The following HMGN5 variants were observed in gnomAD, a reference collection of about 807,000 sequenced individuals.
HMGN5 encodes high mobility group nucleosome binding domain 5, also known as high mobility group nucleosome-binding domain-containing protein 5.
A neutral mutation model predicts 9.5 loss-of-function variants in HMGN5; 4 were observed. The observed-to-expected ratio is 0.42, with a 90% CI of 0.21 to 0.96. The LOEUF (loss-of-function observed/expected upper bound fraction) is 0.96. Among genes scored for constraint, HMGN5 ranks in the 40% least tolerant of loss-of-function variants. The probability of loss-of-function intolerance (pLI) is 0.30; values close to 1 mark genes in which losing one functional copy is unlikely to be tolerated. For missense variants in HMGN5, 192 were observed against 187.5 expected (o/e 1.02, Z -0.14); for synonymous variants, 55 against 57.1 (o/e 0.96, Z 0.16).
chrX:81,115,355 T>C (rs1301584121), intron 6 of HMGN5, 125 bp from the exon 7 acceptor site: 4 of 805,562 alleles, frequency 5.0e-6, no homozygotes, highest in Non-Finnish European at 6.4e-6. Context: ...AGAAAGTAAT[T>C]TTCCTGTGAA....
At chrX:81,184,017 C>T (rs1468654331) in intron 1 of HMGN5, among the ~76,000 whole-genome samples, 1 of 111,288 alleles carries the variant, frequency 9.0e-6, no homozygotes, top group Non-Finnish European at 1.9e-5. Flanking sequence ...ACTGTGAGGG[C>T]CTGTTGGGAA....
intron 1 of HMGN5, among the ~76,000 whole-genome samples, chrX:81,135,525 A>G (rs2075308794): frequency 1.8e-5 from 2 of 111,741 alleles, no homozygotes; most frequent in Admixed American, 1.9e-4. Context: ...AAGGAATAAG[A>G]TAGTGATACA....
intron 1 of HMGN5, among the ~76,000 whole-genome samples, chrX:81,142,615 C>A (rs2075332864): frequency 9.0e-6 from 1 of 111,698 alleles, no homozygotes; most frequent in Non-Finnish European, 1.9e-5. Context: ...CCTAGAATAG[C>A]CTATCCAGTA....
At chrX:81,164,272 T>C (rs1281142264) in intron 1 of HMGN5, among the ~76,000 whole-genome samples, 3 of 111,444 alleles carry the variant, frequency 2.7e-5, no homozygotes, top group Non-Finnish European at 5.7e-5. Context: ...TTGATGGGAG[T>C]AAAACTGAAT....
chrX:81,140,832 G>A (rs2075327155), intron 1 of HMGN5, among the ~76,000 whole-genome samples: 1 of 111,139 alleles, frequency 9.0e-6, no homozygotes, highest in Admixed American at 9.5e-5. Flanking sequence ...CATGGCCACG[G>A]GGGGATAGTG....
In HMGN5 at chrX:81,116,250, T is replaced by C. The variant is rs774785544; in HGVS notation, c.221A>G (p.Glu74Gly). The C allele has an allele frequency of 8.3e-7, 1 of 1,198,724 alleles. No homozygotes were observed. The highest frequency in any genetic ancestry group is 3.0e-5 in the East Asian group (1 of 33,719). Reference sequence around the variant, plus strand: ...ATTTTTAGCATTTTCATTGTAGTCTTCTTCAACAACTGCTTCTTGCTTGGT... The same window carrying C: ...ATTTTTAGCATTTTCATTGTAGTCTCCTTCAACAACTGCTTCTTGCTTGGT... Reference protein sequence around the residue: ...AETKQEAVVEEDYNENAKNGE... With the variant: ...AETKQEAVVEGDYNENAKNGE... Residue 74 changes from glutamate to glycine, a missense_variant, in exon 6 of 7, where the codon GAA becomes GGA. Physicochemically the swap from Glu to Gly is moderately conservative, Grantham distance 98. Transcript: ENST00000358130.
chrX:81,188,904 T>C (rs889913810), intron 1 of HMGN5, among the ~76,000 whole-genome samples: 8 of 111,505 alleles, frequency 7.2e-5, no homozygotes, highest in Non-Finnish European at 1.5e-4. Context: ...AAGAGTAGTT[T>C]ACACACCACA....
At chrX:81,122,151 A>C (rs909342889) in intron 1 of HMGN5, among the ~76,000 whole-genome samples, 1 of 111,679 alleles carries the variant, frequency 9.0e-6, no homozygotes, top group Non-Finnish European at 1.9e-5. Flanking sequence ...CAGAAAGCGC[A>C]AAAGAGTGGA....
At chrX:81,199,087 GACAA>G (rs1444225493) in intron 1 of HMGN5, among the ~76,000 whole-genome samples, 6 of 111,451 alleles carry the variant, frequency 5.4e-5, no homozygotes, top group African/African-American at 1.6e-4. Context: ...ACCAATAACA[GACAA>G]ACAGAGAGCC....
Position 81,180,155 on chromosome X carries a change from T to G in HMGN5, c.-124+21582A>C, listed in dbSNP as rs182754591. 2.3e-3 allele frequency among the ~76,000 whole-genome samples: 262 copies of G among 111,931 alleles called. 2 individuals carry two copies. In the Middle Eastern group the frequency reaches 0.028, roughly 12 times the overall value. ...GACACAGGCATGGGCAAGGGCTTCA[T>G]GTCTAAAACACCAAAAGCAATGGCA... On this transcript the variant is annotated intron_variant, in intron 1 of 6. Coordinates refer to ENST00000358130, the MANE Select transcript of HMGN5 (RefSeq NM_030763.3).
chrX:81,179,606 T>A (rs983117871), intron 1 of HMGN5, among the ~76,000 whole-genome samples: 75 of 111,335 alleles, frequency 6.7e-4, no homozygotes, highest in Admixed American at 1.4e-3. Flanking sequence ...GGAATTAATA[T>A]CGTGAAAGTG....
chrX:81,153,853 C>T (rs73231017), intron 1 of HMGN5, among the ~76,000 whole-genome samples: 9 of 103,807 alleles, frequency 8.7e-5, no homozygotes, highest in Non-Finnish European at 1.4e-4. Flanking sequence ...GTAATGAAAA[C>T]TATAAAACAA....
At chrX:81,117,700 A>G (rs1470046952) in intron 5 of HMGN5, among the ~76,000 whole-genome samples, 1 of 111,503 alleles carries the variant, frequency 9.0e-6, no homozygotes, top group African/African-American at 3.3e-5. Context: ...AATTATTACT[A>G]AAACTTCAAT....
chrX:81,181,914 C>T (rs2075463936), intron 1 of HMGN5, among the ~76,000 whole-genome samples: 1 of 112,091 alleles, frequency 8.9e-6, no homozygotes, highest in African/African-American at 3.2e-5. Flanking sequence ...CATGAGAGTA[C>T]AGATATCTCT....
intron 1 of HMGN5, among the ~76,000 whole-genome samples, chrX:81,200,133 T>TC (rs1316401548): frequency 8.9e-6 from 1 of 112,810 alleles, no homozygotes; most frequent in Non-Finnish European, 1.9e-5. Flanking sequence ...ATGCTCATCA[T>TC]CACTGGTCAT....
chrX:81,144,638 G>A (rs973940872), intron 1 of HMGN5, among the ~76,000 whole-genome samples: 3 of 111,681 alleles, frequency 2.7e-5, no homozygotes, highest in African/African-American at 9.8e-5. Flanking sequence ...AAAACTGGAT[G>A]GAGAATGAGT....
rs193235763 is a variant in HMGN5 at position 81,148,794 on chromosome X, A to C, written c.-123-27122T>G. Among the ~76,000 whole-genome samples, 608 of 111,963 alleles carry C rather than the reference A, an allele frequency of 5.4e-3. 4 individuals carry two copies. Among genetic ancestry groups the C allele is most frequent in the African/African-American group, 0.019 (581 of 30,812 alleles). On this transcript the variant is annotated intron_variant, in intron 1 of 6. Transcript: ENST00000358130. Reference sequence around the variant, plus strand: ...TTAAACAAATTTACAAGAAAAAAAAACAATCCCATCAAAAAATGGGCAAAG... The same window carrying C: ...TTAAACAAATTTACAAGAAAAAAAACCAATCCCATCAAAAAATGGGCAAAG...
At chrX:81,184,541 G>T (rs933302748) in intron 1 of HMGN5, among the ~76,000 whole-genome samples, 1 of 108,501 alleles carries the variant, frequency 9.2e-6, no homozygotes, top group Non-Finnish European at 1.9e-5. Flanking sequence ...TGGGTGGGTT[G>T]TCTCTTCATT....
rs746140066 is a variant in HMGN5, at chrX:81,161,221, G to A, written c.-123-39549C>T. Among the ~76,000 whole-genome samples the A allele has an allele frequency of 6.3e-5, 7 of 110,768 alleles. No individual in the cohort carries two copies. The East Asian group carries it at 1.4e-3, about 22-fold the overall frequency. ...GACTGACCCCTGGACACATGTTAAT[G>A]AGTACCCTCAAAATTATTTCTATAA... On this transcript the variant is annotated intron_variant, in intron 1 of 6. Transcript: ENST00000358130.
Sources: allele counts gnomAD v4.1 joint callset (sites outside exome capture counted in the v4.1 genomes callset), GRCh38; gene constraint gnomAD v4.1.1; transcripts MANE v1.5; gene names NCBI Gene and HGNC (gene_info 2026-07-23, HGNC 2026-07-21).